GTF3C3: variants seen among roughly 807,000 people sequenced by gnomAD.
GTF3C3 encodes general transcription factor 3C polypeptide 3.
GTF3C3 carries 75 observed loss-of-function variants against 105.2 expected under a neutral mutation model. That is an observed-to-expected ratio of 0.71 (90% CI 0.59 to 0.86). GTF3C3 has a LOEUF of 0.86. Among genes scored for constraint, GTF3C3 ranks in the 40% least tolerant of loss-of-function variants. The pLI is 0.00. For synonymous variants in GTF3C3, 335 were observed against 370.4 expected (o/e 0.90, Z 1.10); for missense variants, 856 against 1,076.5 (o/e 0.80, Z 2.87).
At chr2:196,794,394 A>G (rs1699601704) in intron 2 of GTF3C3, among the ~76,000 whole-genome samples, 1 of 152,174 alleles carries the variant, frequency 6.6e-6, no homozygotes. Flanking sequence ...GTATATATAG[A>G]GAGATATATT....
intron 13 of GTF3C3, 99 bp from the exon 14 acceptor site, chr2:196,773,252 C>T (rs1413348464): frequency 1.4e-6 from 1 of 740,444 alleles, no homozygotes; most frequent in Non-Finnish European, 2.3e-6. Context: ...AGTTTAATAA[C>T]CATGAGCCTA....
chr2:196,773,710 C>T (rs1259975105), intron 13 of GTF3C3: 9 of 431,030 alleles, frequency 2.1e-5, no homozygotes. Flanking sequence ...TGTTTTCCTG[C>T]AACTAGACAG....
chr2:196,769,776 G>T, intron 16 of GTF3C3, 139 bp downstream of exon 16: 1 of 629,270 alleles, frequency 1.6e-6, no homozygotes, highest in South Asian at 2.0e-5. Flanking sequence ...CTGAACACTG[G>T]GGTAAGTGTT....
Position 196,771,841 on chromosome 2 carries a change from G to T in GTF3C3, c.2167C>A (p.Leu723Ile), listed in dbSNP as rs1201008291. Reference protein sequence around the residue: ...SQDVRHHRFCLRLMLKNPENH... With the variant: ...SQDVRHHRFCIRLMLKNPENH... ...TCTGGGTTTTTCAGCATCAAACGGAGACAGAAGCGATGATGTCGTACATCT... is the reference window on the plus strand; with the variant it reads ...TCTGGGTTTTTCAGCATCAAACGGATACAGAAGCGATGATGTCGTACATCT... The change falls in exon 15 of 18, where the codon CTC (leucine) becomes ATC (isoleucine). Residue 723 changes from leucine (L) to isoleucine (I), a missense_variant. Leu to Ile is a conservative substitution (Grantham distance 5). Transcript: ENST00000263956. 6.2e-7 allele frequency: 1 copy of T among 1,611,552 alleles called. No homozygotes were observed. Among genetic ancestry groups the T allele is most frequent in the Admixed American group, 1.7e-5 (1 of 60,026 alleles).
In GTF3C3 at chr2:196,785,603, CA is replaced by C; in HGVS notation, c.894-16del. On this transcript the variant is annotated splice_polypyrimidine_tract_variant and intron_variant, in intron 6 of 17. Transcript: ENST00000263956. ...CATAGTAACTCCTAAAAAAAAGTGGCAAAATGGATGAATATTTACTTAATTC... is the reference window on the plus strand; with the variant it reads ...CATAGTAACTCCTAAAAAAAAGTGGCAAATGGATGAATATTTACTTAATTC... 1 of 1,538,948 alleles carries C rather than the reference CA, an allele frequency of 6.5e-7. No homozygotes were observed. The highest frequency in any genetic ancestry group is 9.0e-7 in the Non-Finnish European group (1 of 1,116,390).
intron 16 of GTF3C3, among the ~76,000 whole-genome samples, 199 bp downstream of exon 16, chr2:196,769,716 C>A (rs1479946749): frequency 6.6e-6 from 1 of 152,068 alleles, no homozygotes; most frequent in East Asian, 1.9e-4. Context: ...TGTACCTTTA[C>A]TATATCGCTG....
chr2:196,777,503 G>A (rs370201991), intron 10 of GTF3C3: 1 of 151,944 alleles, frequency 6.6e-6, no homozygotes, highest in Non-Finnish European at 1.5e-5. Flanking sequence ...CATCCTTTTC[G>A]CTGCACTGTA....
Position 196,776,092 on chromosome 2 carries a change from T to G in GTF3C3, c.1613A>C (p.His538Pro). The G allele has an allele frequency of 6.3e-7, 1 of 1,578,846 alleles. No individual in the cohort carries two copies. Among genetic ancestry groups the G allele is most frequent in the Non-Finnish European group, 8.6e-7 (1 of 1,156,232 alleles). ...TTGTGAAAACAACAGAGTAGAACGA[T>G]GAAGCAATAACTTCAGTTCCTAAAC... Reference protein sequence around the residue: ...AAQQELKLLLHRSTLLFSQGK... With the variant: ...AAQQELKLLLPRSTLLFSQGK... The change falls in exon 12 of 18, where the codon CAT becomes CCT. Residue 538 changes from histidine (H) to proline (P), a missense_variant. Around this residue, in one of 3 missense-constraint regions of GTF3C3, gnomAD observed 605 missense variants for 833.6 expected, o/e 0.73. Coordinates refer to ENST00000263956, the MANE Select transcript of GTF3C3 (RefSeq NM_012086.5). This position sits in a 1 kb window ranked among gnomAD's most constrained non-coding sequence, Gnocchi z 4.5.
At chr2:196,799,082 CAGG>C (rs1460640615) in intron 1 of GTF3C3, among the ~76,000 whole-genome samples, 1 of 151,998 alleles carries the variant, frequency 6.6e-6, no homozygotes, top group East Asian at 1.9e-4. Flanking sequence ...TCCTCAAAAA[CAGG>C]AGCTCAATCG....
Position 196,789,981 on chromosome 2 carries a change from C to G in GTF3C3, c.625G>C (p.Ala209Pro), listed in dbSNP as rs755151214. 1.2e-6 allele frequency: 2 copies of G among 1,613,414 alleles called. No individual in the cohort carries two copies. Among genetic ancestry groups the G allele is most frequent in the Non-Finnish European group, 1.7e-6 (2 of 1,179,444 alleles). Residue 209 changes from alanine to proline, a missense_variant, in exon 5 of 18, where the codon GCT becomes CCT. Physicochemically the swap from Ala to Pro is conservative, Grantham distance 27 (BLOSUM62 -1). Coordinates refer to ENST00000263956, the MANE Select transcript of GTF3C3 (RefSeq NM_012086.5). ...GTGTCACTGGGATTTAAATGCGCAG[C>G]AATCAACTCAAACTGCAATGATTTT... is the stretch of plus-strand genomic sequence containing the variant. ...MEKSLQFELI[A>P]AHLNPSDTEE...
chr2:196,782,868 A>G (rs374302849), intron 8 of GTF3C3, among the ~76,000 whole-genome samples: 1 of 152,186 alleles, frequency 6.6e-6, no homozygotes, highest in Non-Finnish European at 1.5e-5. Flanking sequence ...ATATATATTT[A>G]TAGCCCCTAC....
At chr2:196,766,297 AC>A (rs1206444563) in intron 17 of GTF3C3, among the ~76,000 whole-genome samples, 2 of 152,170 alleles carry the variant, frequency 1.3e-5, no homozygotes, top group Non-Finnish European at 2.9e-5. Flanking sequence ...GGTTACGTCT[AC>A]CAGTTCCTGT....
intron 6 of GTF3C3, 123 bp from the exon 7 acceptor site, chr2:196,785,711 G>T: frequency 1.6e-6 from 1 of 625,356 alleles, no homozygotes; most frequent in Non-Finnish European, 2.8e-6. Context: ...AGAGGAATGT[G>T]TATTTCCTTA....
intron 6 of GTF3C3, among the ~76,000 whole-genome samples, chr2:196,787,104 A>C (rs1325699460): frequency 2.7e-5 from 4 of 147,156 alleles, no homozygotes; most frequent in Non-Finnish European, 3.0e-5. Flanking sequence ...TCCCCAACCC[A>C]CCCCTCATAT....
intron 13 of GTF3C3, chr2:196,773,802 C>G (rs1384432932): frequency 1.1e-5 from 3 of 262,252 alleles, no homozygotes; most frequent in Non-Finnish European, 2.4e-5. Context: ...AGATCCCTCG[C>G]ATGGGCAGTT....
Position 196,780,673 on chromosome 2 carries a change from C to G in GTF3C3, c.1115-11G>C, listed in dbSNP as rs76804254. 1 of 1,608,316 alleles carries G rather than the reference C, an allele frequency of 6.2e-7. No homozygotes were observed. Among genetic ancestry groups the G allele is most frequent in the South Asian group, 1.1e-5 (1 of 90,324 alleles). ...TAACATTCTCAGGAGCTGGAGAATA[C>G]ACAGACAAGAAGCAGTTACTATATG... On this transcript the variant is annotated splice_polypyrimidine_tract_variant and intron_variant, in intron 8 of 17. Transcript: ENST00000263956.
In GTF3C3 at chr2:196,776,654, A is replaced by G. The variant is rs778085713; in HGVS notation, c.1391-25T>C. On this transcript the variant is annotated intron_variant, in intron 10 of 17. Coordinates refer to ENST00000263956, the MANE Select transcript of GTF3C3 (RefSeq NM_012086.5). The surrounding 1 kb of genome is among the most constrained non-coding windows in gnomAD (Gnocchi z 4.5). ...TCTAAGATGATGTTAAAATAAAGCA[A>G]AAGTATGAACTACAGATTTGTAAAC... 7 of 1,540,704 alleles carry G rather than the reference A, an allele frequency of 4.5e-6. No individual in the cohort carries two copies. Among genetic ancestry groups the G allele is most frequent in the African/African-American group, 4.1e-5 (3 of 73,622 alleles).
At chr2:196,787,486 C>A (rs913742822) in intron 6 of GTF3C3, among the ~76,000 whole-genome samples, 4 of 152,168 alleles carry the variant, frequency 2.6e-5, no homozygotes, top group Non-Finnish European at 4.4e-5. Context: ...GCTTCCCTAA[C>A]CATACTTTGC....
At position 196,770,005 on chromosome 2, in the gene GTF3C3, G is replaced by C; in HGVS notation, c.2295C>G (p.Asp765Glu). 24 of 1,576,450 alleles carry C rather than the reference G, an allele frequency of 1.5e-5. No individual in the cohort carries two copies. The highest frequency in any genetic ancestry group is 2.1e-5 in the Non-Finnish European group (24 of 1,166,864). The change falls in exon 16 of 18, where the codon GAC (aspartate) becomes GAG (glutamate). Residue 765 changes from aspartate (D) to glutamate (E), a missense_variant. Physicochemically the swap from Asp to Glu is conservative, Grantham distance 45. Coordinates refer to ENST00000263956, the MANE Select transcript of GTF3C3 (RefSeq NM_012086.5). ...QYVQAFRTHP[D>E]EPLYSFCIGL... Reference sequence around the variant, plus strand: ...CTATACAGAAGCTATAGAGAGGTTCGTCAGGGTGAGTGCGAAAGGCTTGCA... The same window carrying C: ...CTATACAGAAGCTATAGAGAGGTTCCTCAGGGTGAGTGCGAAAGGCTTGCA...
Sources: gnomAD v4.1 joint callset for allele counts (sites outside exome capture counted in the v4.1 genomes callset) on GRCh38, gnomAD v4.1.1 for gene constraint, gnomAD v4.1.1 regional missense constraint, Gnocchi (gnomAD v3.1) non-coding constraint, MANE v1.5 for transcripts, NCBI Gene and HGNC (gene_info 2026-07-23, HGNC 2026-07-21) for gene names.